Variants in SLC5A1 observed in about 807,000 individuals in gnomAD.
SLC5A1 encodes sodium/glucose cotransporter 1.
In SLC5A1, 42 loss-of-function variants were observed where a neutral mutation model predicts 73.5. The observed-to-expected ratio is 0.57, with a 90% CI of 0.45 to 0.74. SLC5A1 has a LOEUF of 0.74. SLC5A1 is among the 30% of genes least tolerant of loss of function. The probability of loss-of-function intolerance (pLI) is 0.00; values close to 1 mark genes in which losing one functional copy is unlikely to be tolerated. For missense variants in SLC5A1, 634 were observed against 855.4 expected, an observed-to-expected ratio of 0.74 and a Z score of 3.23; for synonymous variants, 300 against 317.4, an observed-to-expected ratio of 0.95 and a Z score of 0.58.
intron 1 of SLC5A1, among the ~76,000 whole-genome samples, chr22:32,045,239 G>A (rs77803638): frequency 0.016 from 2,475 of 152,132 alleles, 63 homozygotes; most frequent in African/African-American, 0.057. Context: ...TGATAATATC[G>A]GTTCTCTTAA....
At chr22:32,054,109 G>C (rs544772786) in intron 2 of SLC5A1, among the ~76,000 whole-genome samples, 1 of 152,256 alleles carries the variant, frequency 6.6e-6, no homozygotes, top group South Asian at 2.1e-4. Context: ...GGAGATGGAG[G>C]TTGCAGTGAG....
At chr22:32,067,704 G>A (rs1483687893) in intron 3 of SLC5A1, among the ~76,000 whole-genome samples, 17 of 151,940 alleles carry the variant, frequency 1.1e-4, no homozygotes, top group Non-Finnish European at 1.5e-5. Flanking sequence ...TGTAAACCAG[G>A]GAAGAGGTGA....
chr22:32,077,124 A>G (rs2093992213), intron 5 of SLC5A1, among the ~76,000 whole-genome samples: 2 of 152,144 alleles, frequency 1.3e-5, no homozygotes, highest in Admixed American at 1.3e-4. Context: ...AGAGGACCAT[A>G]ATTTTTTATT....
intron 11 of SLC5A1, among the ~76,000 whole-genome samples, chr22:32,094,288 G>A (rs1387465439): frequency 6.6e-6 from 1 of 152,080 alleles, no homozygotes; most frequent in Admixed American, 6.5e-5. Context: ...TAGAGATATT[G>A]GTCTGTAGTT....
At chr22:32,089,913 T>A (rs1488329566) in intron 10 of SLC5A1, among the ~76,000 whole-genome samples, 2 of 152,110 alleles carry the variant, frequency 1.3e-5, no homozygotes, top group Non-Finnish European at 2.9e-5. Context: ...TAATAGAGAT[T>A]ATAGCCAACC....
intron 8 of SLC5A1, 49 bp downstream of exon 8, chr22:32,084,708 A>G (rs1308090721): frequency 6.4e-7 from 1 of 1,561,910 alleles, no homozygotes; most frequent in African/African-American, 1.4e-5. Flanking sequence ...CCAGGGCCCT[A>G]CAGGAACTCC....
rs541991193 is a variant in SLC5A1 at position 32,043,269 on chromosome 22, C to CA, written c.-11dup. On this transcript the variant is annotated 5_prime_UTR_variant, in exon 1 of 15. Coordinates refer to ENST00000266088, the MANE Select transcript of SLC5A1 (RefSeq NM_000343.4). This position sits in a 1 kb window ranked among gnomAD's most constrained non-coding sequence, Gnocchi z 6.5. ...GCGGCCCTGGCGAGAGGGAAGGACG[C>CA]AACGCTGCCACCATGGACAGTAGCA... 2,944 of 1,613,626 alleles carry CA rather than the reference C, an allele frequency of 1.8e-3. 1 individual carries two copies. The highest frequency in any genetic ancestry group is 2.4e-3 in the Non-Finnish European group (2,796 of 1,180,008).
chr22:32,062,939 A>C (rs910812900), intron 2 of SLC5A1, among the ~76,000 whole-genome samples: 1 of 152,182 alleles, frequency 6.6e-6, no homozygotes, highest in Non-Finnish European at 1.5e-5. Flanking sequence ...TAGTTCTAGA[A>C]GTCAAAAATT....
intron 1 of SLC5A1, among the ~76,000 whole-genome samples, chr22:32,047,077 G>C (rs2093938142): frequency 6.6e-6 from 1 of 152,186 alleles, no homozygotes; most frequent in African/African-American, 2.4e-5. Flanking sequence ...AGTCATCTGG[G>C]TGTTCACAGA....
chr22:32,105,142 T>C (rs534429148), intron 14 of SLC5A1, among the ~76,000 whole-genome samples: 5 of 152,190 alleles, frequency 3.3e-5, no homozygotes, highest in Non-Finnish European at 7.4e-5. Context: ...TGTGAGTACG[T>C]AGTAGGTGTA....
At chr22:32,057,578 C>A (rs923963307) in intron 2 of SLC5A1, among the ~76,000 whole-genome samples, 1 of 152,164 alleles carries the variant, frequency 6.6e-6, no homozygotes, top group Admixed American at 6.5e-5. Flanking sequence ...CAGGACAATT[C>A]TTGATGCCTG....
chr22:32,068,004 T>A lies in SLC5A1; in HGVS notation c.350T>A (p.Val117Asp). 1 of 1,614,162 alleles carries A rather than the reference T, an allele frequency of 6.2e-7. No homozygotes were observed. Among genetic ancestry groups the A allele is most frequent in the Non-Finnish European group, 8.5e-7 (1 of 1,180,002 alleles). Residue 117 changes from valine to aspartate, a missense_variant, in exon 4 of 15, where the codon GTC becomes GAC. This residue lies in a region of SLC5A1 where 422 missense variants were observed against 626.1 expected (regional missense o/e 0.67). Transcript: ENST00000266088. ...GTGGTTGTGCTGGGCTGGCTGTTTG[T>A]CCCCATCTATATTAAGGCTGGGGTA... is the stretch of plus-strand genomic sequence containing the variant. ...VLVVVLGWLF[V>D]PIYIKAGVVT...
rs61733910 is a variant in SLC5A1 at position 32,110,064 on chromosome 22, G to T, written c.1846G>T (p.Gly616Cys). The T allele has an allele frequency of 3.7e-6, 6 of 1,613,988 alleles. No homozygotes were observed. Among genetic ancestry groups the T allele is most frequent in the Non-Finnish European group, 5.1e-6 (6 of 1,179,924 alleles). The change falls in exon 15 of 15, where the codon GGT (glycine) becomes TGT (cysteine). Residue 616 changes from glycine to cysteine, a missense_variant. Physicochemically the swap from Gly to Cys is radical, Grantham distance 159. Coordinates refer to ENST00000266088, the MANE Select transcript of SLC5A1 (RefSeq NM_000343.4). ...CCTATTTTGTGGGCTAGAGCAGCAC[G>T]GTGCACCCAAGATGACTGAGGAAGA... ...YDLFCGLEQH[G>C]APKMTEEEEK...
At chr22:32,108,458 T>A (rs2094050215) in intron 14 of SLC5A1, among the ~76,000 whole-genome samples, 1 of 152,152 alleles carries the variant, frequency 6.6e-6, no homozygotes, top group African/African-American at 2.4e-5. Flanking sequence ...AGGTCATCAG[T>A]GATCCTAGCT....
At chr22:32,078,954 CA>C (rs6147589) in intron 5 of SLC5A1, among the ~76,000 whole-genome samples, 82 of 109,066 alleles carry the variant, frequency 7.5e-4, no homozygotes, top group African/African-American at 1.8e-3. Flanking sequence ...ACTCTGTCTC[CA>C]AAAAAAAAAA....
intron 5 of SLC5A1, among the ~76,000 whole-genome samples, chr22:32,069,922 G>A (rs147501039): frequency 5.3e-5 from 8 of 152,254 alleles, no homozygotes; most frequent in East Asian, 1.9e-4. Context: ...CCAGGTCTCC[G>A]ATTCTCAATT....
intron 5 of SLC5A1, among the ~76,000 whole-genome samples, chr22:32,080,288 T>C (rs375658590): frequency 6.6e-6 from 1 of 152,100 alleles, no homozygotes; most frequent in Non-Finnish European, 1.5e-5. Context: ...AGGGGAACTA[T>C]GGCATCAGGT....
At chr22:32,063,220 G>T (rs1435161308) in intron 2 of SLC5A1, among the ~76,000 whole-genome samples, 1 of 152,150 alleles carries the variant, frequency 6.6e-6, no homozygotes, top group African/African-American at 2.4e-5. Context: ...TAGGAATTTT[G>T]CAGAGAGGAC....
In SLC5A1 at chr22:32,067,984, T is replaced by G. The variant is rs933592281; in HGVS notation, c.330T>G (p.Val110=). ...CATTTCAGGCCCTGGTTTTGGTGGTTGTGCTGGGCTGGCTGTTTGTCCCCA... is the reference window on the plus strand; with the variant it reads ...CATTTCAGGCCCTGGTTTTGGTGGTGGTGCTGGGCTGGCTGTTTGTCCCCA... The part of the protein sequence containing the change: ...GFEWNALVLV[V]VLGWLFVPIY... The change falls in exon 4 of 15, where the codon GTT becomes GTG. Residue 110 remains valine (V), a synonymous_variant. Transcript: ENST00000266088. The G allele has an allele frequency of 5.0e-6, 8 of 1,614,208 alleles. No homozygotes were observed. The highest frequency in any genetic ancestry group is 5.9e-6 in the Non-Finnish European group (7 of 1,180,030).
Sources: gnomAD v4.1 joint callset for allele counts (sites outside exome capture counted in the v4.1 genomes callset) on GRCh38, gnomAD v4.1.1 for gene constraint, gnomAD v4.1.1 regional missense constraint, Gnocchi (gnomAD v3.1) non-coding constraint, MANE v1.5 for transcripts, NCBI Gene and HGNC (gene_info 2026-07-23, HGNC 2026-07-21) for gene names.